The following SLC25A42 variants were observed in gnomAD, a reference collection of about 807,000 sequenced individuals.
The protein encoded by SLC25A42 is solute carrier family 25 member 42.
In SLC25A42, 19 loss-of-function variants were observed where a neutral mutation model predicts 34.7. The observed-to-expected ratio is 0.55, with a 90% CI of 0.38 to 0.80. The LOEUF (loss-of-function observed/expected upper bound fraction) is 0.80. Among genes scored for constraint, SLC25A42 ranks in the 30% least tolerant of loss-of-function variants. The probability of loss-of-function intolerance (pLI) is 0.00; values close to 1 mark genes in which losing one functional copy is unlikely to be tolerated. For missense variants in SLC25A42, 364 were observed against 441.3 expected, an observed-to-expected ratio of 0.82 and a Z score of 1.57; for synonymous variants, 205 against 191.2, an observed-to-expected ratio of 1.07 and a Z score of -0.59.
rs2059873539 is a variant in SLC25A42 at position 19,112,860 on chromosome 19, T to C, written c.*1984T>C. On this transcript the variant is annotated 3_prime_UTR_variant, in exon 8 of 8. Transcript: ENST00000318596. This position sits in a 1 kb window ranked among gnomAD's most constrained non-coding sequence, Gnocchi z 4.3. Reference sequence around the variant, plus strand: ...ATTTTAAAGATTTGTGCCAAGAGAGTATATTTAATAAAAACTTAAATGACT... The same window carrying C: ...ATTTTAAAGATTTGTGCCAAGAGAGCATATTTAATAAAAACTTAAATGACT... 1 of 152,616 alleles carries C rather than the reference T, an allele frequency of 6.6e-6. No homozygotes were observed. Among genetic ancestry groups the C allele is most frequent in the South Asian group, 2.1e-4 (1 of 4,830 alleles). 9.5% of individuals were successfully genotyped at this position (152,616 alleles called of 1,614,324 possible).
At chr19:19,077,313 A>G (rs1002800316) in intron 1 of SLC25A42, among the ~76,000 whole-genome samples, 7 of 152,016 alleles carry the variant, frequency 4.6e-5, no homozygotes, top group African/African-American at 1.7e-4. Flanking sequence ...CGTCTCCACA[A>G]CTCTTCCGTC....
At chr19:19,093,716 C>T (rs149558743) in intron 1 of SLC25A42, among the ~76,000 whole-genome samples, 1,830 of 152,270 alleles carry the variant, frequency 0.012, 18 homozygotes, top group East Asian at 0.028. Flanking sequence ...CTCGCTGTGT[C>T]ACCCAGGCTG....
At chr19:19,095,377 G>A (rs995870595) in intron 1 of SLC25A42, among the ~76,000 whole-genome samples, 5 of 152,062 alleles carry the variant, frequency 3.3e-5, no homozygotes, top group Admixed American at 3.3e-4. Flanking sequence ...ACTTTGGGAG[G>A]CTAAGGCAGG....
chr19:19,101,149 G>A (rs1464537341), intron 2 of SLC25A42, among the ~76,000 whole-genome samples: 3 of 152,172 alleles, frequency 2.0e-5, no homozygotes, highest in Admixed American at 6.5e-5. Context: ...AGGGAGGGCT[G>A]TGGGGGAGCA....
At position 19,081,275 on chromosome 19, in the gene SLC25A42, T is replaced by C. The variant is rs1189230645; in HGVS notation, c.-34-14816T>C. 3.9e-5 allele frequency among the ~76,000 whole-genome samples: 6 copies of C among 152,086 alleles called. No individual in the cohort carries two copies. Among genetic ancestry groups the C allele is most frequent in the African/African-American group, 1.4e-4 (6 of 41,396 alleles). ...TGGCCCCAGGGTGACTTTCCAGCACTGGACCCATAAGGAACCACAGGGACC... is the reference window on the plus strand; with the variant it reads ...TGGCCCCAGGGTGACTTTCCAGCACCGGACCCATAAGGAACCACAGGGACC... On this transcript the variant is annotated intron_variant, in intron 1 of 7. Transcript: ENST00000318596. The surrounding 1 kb of genome is among the most constrained non-coding windows in gnomAD (Gnocchi z 4.5).
In SLC25A42 at chr19:19,101,865, C is replaced by G; in HGVS notation, c.166C>G (p.Arg56Gly). 6.2e-7 allele frequency: 1 copy of G among 1,613,034 alleles called. No homozygotes were observed. Among genetic ancestry groups the G allele is most frequent in the Non-Finnish European group, 8.5e-7 (1 of 1,179,512 alleles). The change falls in exon 3 of 8, where the codon CGA becomes GGA. Residue 56 changes from arginine to glycine, a missense_variant. By Grantham distance (125) the Arg-to-Gly change is moderately radical. Transcript: ENST00000318596. ...CAAAACAGCGGTAGCTCCCCTGGAC[C>G]GAACCAAAATCATCTTCCAAGGTAA... is the stretch of plus-strand genomic sequence containing the variant. ...LAKTAVAPLD[R>G]TKIIFQVSSK... is the part of the protein sequence containing the mutation.
chr19:19,096,254 T>TGGGGCCCCC, intron 2 of SLC25A42, 49 bp downstream of exon 2: 7 of 1,456,614 alleles, frequency 4.8e-6, no homozygotes, highest in East Asian at 2.4e-5. Context: ...GGCCCCAGCC[T>TGGGGCCCCC]CCCCACCCCC....
intron 4 of SLC25A42, 26 bp downstream of exon 4, chr19:19,104,964 C>A: frequency 6.2e-7 from 1 of 1,613,996 alleles, no homozygotes; most frequent in Non-Finnish European, 8.5e-7. Context: ...ACCGCCCCGG[C>A]CTGGGGACAG....
chr19:19,111,208 C>T lies in SLC25A42; in HGVS notation c.*332C>T. 2.7e-6 allele frequency: 1 copy of T among 376,136 alleles called. No homozygotes were observed. The allele number at this position is 376,136 out of a possible 1,614,324, so 23.3% of individuals were successfully genotyped here. On this transcript the variant is annotated 3_prime_UTR_variant, in exon 8 of 8. Transcript: ENST00000318596. ...CCACCTCCTGATCCTGTGTGTCCTC[C>T]GACATGCTGCTGATTCTAGTGACCC... is the stretch of plus-strand genomic sequence containing the variant.
intron 2 of SLC25A42, 47 bp from the exon 3 acceptor site, chr19:19,101,734 G>A: frequency 6.4e-7 from 1 of 1,550,952 alleles, no homozygotes; most frequent in Non-Finnish European, 8.8e-7. Flanking sequence ...GTCCTCTGCG[G>A]AGCCGCCCCC....
chr19:19,089,900 C>CT (rs542191606), intron 1 of SLC25A42, among the ~76,000 whole-genome samples: 44 of 152,300 alleles, frequency 2.9e-4, no homozygotes, highest in South Asian at 1.5e-3. Context: ...CCTCTAAACT[C>CT]TAACAAATGA....
chr19:19,100,907 A>T (rs1056370898), intron 2 of SLC25A42, among the ~76,000 whole-genome samples: 1 of 152,220 alleles, frequency 6.6e-6, no homozygotes, highest in Non-Finnish European at 1.5e-5. Flanking sequence ...CTGAGGCAGA[A>T]GAATGCTCTC....
intron 1 of SLC25A42, among the ~76,000 whole-genome samples, chr19:19,068,305 A>G (rs1258006274): frequency 6.6e-6 from 1 of 150,896 alleles, no homozygotes; most frequent in Non-Finnish European, 1.5e-5. Flanking sequence ...CAGTGAGCTG[A>G]GATCACACCA....
chr19:19,096,273 GCTCCCTGCCTCCTC>G, intron 2 of SLC25A42, 68 bp downstream of exon 2: 1 of 1,008,554 alleles, frequency 9.9e-7, no homozygotes, highest in South Asian at 1.4e-5. Flanking sequence ...CCCCTCCCAG[GCTCCCTGCCTCCTC>G]CTCCCAGCCT....
chr19:19,105,174 T>G (rs1273138518), intron 4 of SLC25A42: 9 of 593,388 alleles, frequency 1.5e-5, no homozygotes, highest in Non-Finnish European at 3.0e-6. Context: ...TTTTCATGTT[T>G]GATTTATTGT....
At chr19:19,095,554 A>C (rs968324920) in intron 1 of SLC25A42, among the ~76,000 whole-genome samples, 2 of 152,244 alleles carry the variant, frequency 1.3e-5, no homozygotes, top group African/African-American at 4.8e-5. Flanking sequence ...TGGAGGTTGC[A>C]GTGAGCCAAG....
intron 3 of SLC25A42, among the ~76,000 whole-genome samples, chr19:19,102,175 A>AT (rs2059800985): frequency 6.6e-6 from 1 of 151,284 alleles, no homozygotes; most frequent in African/African-American, 2.4e-5. Flanking sequence ...TGCCCGGCCA[A>AT]TTTTTTTGTA....
At chr19:19,085,292 G>A (rs953292836) in intron 1 of SLC25A42, among the ~76,000 whole-genome samples, 1 of 152,162 alleles carries the variant, frequency 6.6e-6, no homozygotes, top group Non-Finnish European at 1.5e-5. Context: ...AGCTTCCCCA[G>A]CTGTGAAGCT....
intron 1 of SLC25A42, among the ~76,000 whole-genome samples, chr19:19,069,009 A>G (rs1478653256): frequency 7.1e-6 from 1 of 141,744 alleles, no homozygotes; most frequent in Non-Finnish European, 1.5e-5. Context: ...CCTGGGTGAC[A>G]GTGAGGTTCT....
Sources: gnomAD v4.1 joint callset for allele counts (sites outside exome capture counted in the v4.1 genomes callset) on GRCh38, gnomAD v4.1.1 for gene constraint, Gnocchi (gnomAD v3.1) non-coding constraint, MANE v1.5 for transcripts, NCBI Gene and HGNC (gene_info 2026-07-23, HGNC 2026-07-21) for gene names.